The following HS3ST1 variants were observed in gnomAD, a reference collection of about 807,000 sequenced individuals.
The protein encoded by HS3ST1 is heparan sulfate glucosamine 3-O-sulfotransferase 1.
A neutral mutation model predicts 20.7 loss-of-function variants in HS3ST1; 8 were observed. The observed-to-expected ratio is 0.39, with a 90% CI of 0.23 to 0.70. The LOEUF (loss-of-function observed/expected upper bound fraction) is 0.70. Ranked by LOEUF, HS3ST1 falls within the 30% of genes least tolerant of loss-of-function variation. The probability of loss-of-function intolerance (pLI) is 0.46; values close to 1 mark genes in which losing one functional copy is unlikely to be tolerated. For synonymous variants in HS3ST1, 205 were observed against 190.4 expected (o/e 1.08, Z -0.63); for missense variants, 436 against 423.4 (o/e 1.03, Z -0.26).
intron 1 of HS3ST1, among the ~76,000 whole-genome samples, chr4:11,425,647 T>A (rs982798779): frequency 1.3e-5 from 2 of 152,230 alleles, no homozygotes; most frequent in African/African-American, 4.8e-5. Flanking sequence ...AAATGAACAT[T>A]AAAATAGATC....
At chr4:11,414,933 C>A (rs367546703) in intron 1 of HS3ST1, among the ~76,000 whole-genome samples, 1 of 152,220 alleles carries the variant, frequency 6.6e-6, no homozygotes, top group East Asian at 1.9e-4. Flanking sequence ...CACAGGTAAC[C>A]AAGCCCAGAA....
chr4:11,424,129 C>T (rs988240857), intron 1 of HS3ST1, among the ~76,000 whole-genome samples: 1 of 152,024 alleles, frequency 6.6e-6, no homozygotes, highest in Non-Finnish European at 1.5e-5. Flanking sequence ...GGGCTACAAC[C>T]CCCACTTACC....
At chr4:11,405,210 C>G (rs1056022107) in intron 1 of HS3ST1, among the ~76,000 whole-genome samples, 12 of 152,200 alleles carry the variant, frequency 7.9e-5, no homozygotes, top group South Asian at 2.1e-4. Flanking sequence ...AAGGGAGACC[C>G]AGCTACCCCT....
rs958743609 is a variant in HS3ST1, at chr4:11,426,373, C to A, written c.-109+2326G>T. Among the ~76,000 whole-genome samples, 326 of 151,210 alleles carry A rather than the reference C, an allele frequency of 2.2e-3. 1 individual carries two copies. The highest frequency in any genetic ancestry group is 3.4e-3 in the Middle Eastern group (1 of 294). ...CTTTTCCCTTCAGAGGCCCCCCCCC[C>A]AACCCTCACAAGATTTTTCCAGTAA... On this transcript the variant is annotated intron_variant, in intron 1 of 1. Transcript: ENST00000002596.
intron 1 of HS3ST1, among the ~76,000 whole-genome samples, chr4:11,406,924 A>C (rs1302967871): frequency 6.6e-6 from 1 of 152,102 alleles, no homozygotes; most frequent in East Asian, 1.9e-4. Flanking sequence ...CATTGTTAAG[A>C]ACGAAACATG....
At chr4:11,410,120 G>C (rs1295965782) in intron 1 of HS3ST1, among the ~76,000 whole-genome samples, 1 of 152,208 alleles carries the variant, frequency 6.6e-6, no homozygotes, top group Non-Finnish European at 1.5e-5. Flanking sequence ...TTTGCCCATA[G>C]GTGATCACTC....
intron 1 of HS3ST1, among the ~76,000 whole-genome samples, chr4:11,426,368 C>CCCG (rs891164485): frequency 4.6e-5 from 7 of 151,402 alleles, no homozygotes; most frequent in African/African-American, 1.7e-4. Flanking sequence ...CAGAGGCCCC[C>CCCG]CCCCCAACCC....
intron 1 of HS3ST1, among the ~76,000 whole-genome samples, chr4:11,421,597 G>A (rs1718936793): frequency 6.6e-6 from 1 of 152,168 alleles, no homozygotes; most frequent in South Asian, 2.1e-4. Context: ...AAAGAGTGAA[G>A]ACATTTACAT....
Position 11,397,768 on chromosome 4 carries a change from T to C in HS3ST1, c.*1314A>G, listed in dbSNP as rs1718179486. ...TTAATAACGTCCATTTCTGTCATTTTCCTGCGGTATAAACCATGTCAGGAA... is the reference window on the plus strand; with the variant it reads ...TTAATAACGTCCATTTCTGTCATTTCCCTGCGGTATAAACCATGTCAGGAA... On this transcript the variant is annotated 3_prime_UTR_variant, in exon 2 of 2. Coordinates refer to ENST00000002596, the MANE Select transcript of HS3ST1 (RefSeq NM_005114.4). The C allele has an allele frequency of 6.6e-6, 1 of 152,260 alleles. No homozygotes were observed. The highest frequency in any genetic ancestry group is 1.5e-5 in the Non-Finnish European group (1 of 68,048). 9.4% of individuals were successfully genotyped at this position (152,260 alleles called of 1,614,324 possible).
At position 11,396,881 on chromosome 4, in the gene HS3ST1, A is replaced by G. The variant is rs899640687; in HGVS notation, c.*2201T>C. The G allele has an allele frequency of 6.6e-6, 1 of 152,394 alleles. No homozygotes were observed. Among genetic ancestry groups the G allele is most frequent in the Admixed American group, 6.5e-5 (1 of 15,296 alleles). 9.4% of individuals were successfully genotyped at this position (152,394 alleles called of 1,614,324 possible). A position where few individuals can be genotyped will look rare whatever the true frequency, so the allele number is the denominator to read the frequency against. On this transcript the variant is annotated 3_prime_UTR_variant, in exon 2 of 2. Transcript: ENST00000002596. ...CTATGCCAGTCCCAGCAGCTAGATTATATTCCATGTGCTGGTCCTGTCTTC... is the reference window on the plus strand; with the variant it reads ...CTATGCCAGTCCCAGCAGCTAGATTGTATTCCATGTGCTGGTCCTGTCTTC...
At position 11,406,922 on chromosome 4, in the gene HS3ST1, A is replaced by G. The variant is rs561924317; in HGVS notation, c.-108-6809T>C. ...GTATAAGATTATTTTTTCATTGTTA[A>G]GAACGAAACATGTCTTCACTTTCAT... is the stretch of plus-strand genomic sequence containing the variant. On this transcript the variant is annotated intron_variant, in intron 1 of 1. Coordinates refer to ENST00000002596, the MANE Select transcript of HS3ST1 (RefSeq NM_005114.4). Among the ~76,000 whole-genome samples, 28 of 152,264 alleles carry G rather than the reference A, an allele frequency of 1.8e-4. 1 individual carries two copies.
At chr4:11,431,133 C>G (rs1719197240), upstream of HS3ST1, among the ~76,000 whole-genome samples, 1 of 151,468 alleles carries the variant, frequency 6.6e-6, no homozygotes, top group East Asian at 1.9e-4. Context: ...ATTATAAACG[C>G]CTTGAGCTTG....
intron 1 of HS3ST1, among the ~76,000 whole-genome samples, chr4:11,407,670 T>C (rs944416299): frequency 2.0e-5 from 3 of 152,238 alleles, no homozygotes; most frequent in Admixed American, 2.0e-4. Flanking sequence ...AAAATTCGCA[T>C]GAGAGGTAAC....
At chr4:11,430,469 C>T (rs975959808), upstream of HS3ST1, among the ~76,000 whole-genome samples, 4 of 152,144 alleles carry the variant, frequency 2.6e-5, no homozygotes, top group African/African-American at 9.7e-5. Context: ...TAAAGTTCTG[C>T]CAATTACTGG....
At chr4:11,408,810 G>A (rs1241629725) in intron 1 of HS3ST1, among the ~76,000 whole-genome samples, 1 of 152,192 alleles carries the variant, frequency 6.6e-6, no homozygotes, top group Non-Finnish European at 1.5e-5. Context: ...ACAGGACCTG[G>A]GCTGCCTTGG....
chr4:11,401,185 G>A (rs1718314031), intron 1 of HS3ST1, among the ~76,000 whole-genome samples: 1 of 152,160 alleles, frequency 6.6e-6, no homozygotes, highest in African/African-American at 2.4e-5. Context: ...GGAAACATTT[G>A]AAATAGGCCT....
chr4:11,403,085 C>T (rs1347657819), intron 1 of HS3ST1, among the ~76,000 whole-genome samples: 3 of 152,108 alleles, frequency 2.0e-5, no homozygotes, highest in Non-Finnish European at 4.4e-5. Flanking sequence ...CAAGTATATA[C>T]GCACACATAT....
chr4:11,402,418 T>G (rs1435398714), intron 1 of HS3ST1, among the ~76,000 whole-genome samples: 1 of 152,172 alleles, frequency 6.6e-6, no homozygotes, highest in Non-Finnish European at 1.5e-5. Flanking sequence ...TTTAGTCAAG[T>G]GATGGTTTCA....
At chr4:11,413,382 A>G (rs1233297001) in intron 1 of HS3ST1, among the ~76,000 whole-genome samples, 9 of 152,136 alleles carry the variant, frequency 5.9e-5, no homozygotes, top group African/African-American at 1.9e-4. Flanking sequence ...GAGTGAGTAG[A>G]ATTGCTTAGG....
Sources: allele counts gnomAD v4.1 joint callset (sites outside exome capture counted in the v4.1 genomes callset), GRCh38; gene constraint gnomAD v4.1.1; transcripts MANE v1.5; gene names NCBI Gene and HGNC (gene_info 2026-07-23, HGNC 2026-07-21).